The following OGDHL variants were observed in gnomAD, a reference collection of about 807,000 sequenced individuals.
OGDHL encodes 2-oxoglutarate dehydrogenase-like, mitochondrial.
In OGDHL, 79 loss-of-function variants were observed where a neutral mutation model predicts 109.6. The ratio of observed to expected loss-of-function variants is 0.72; its 90% CI spans 0.60 to 0.87. The LOEUF (loss-of-function observed/expected upper bound fraction) is 0.87. Ranked by LOEUF, OGDHL falls within the 40% of genes least tolerant of loss-of-function variation. The pLI is 0.00. For synonymous variants in OGDHL, 528 were observed against 537.2 expected (o/e 0.98, Z 0.24); for missense variants, 1,275 against 1,362.2 (o/e 0.94, Z 1.01).
intron 2 of OGDHL, 78 bp from the exon 3 acceptor site, chr10:49,757,024 G>T: frequency 1.4e-6 from 2 of 1,459,442 alleles, no homozygotes; most frequent in Non-Finnish European, 1.9e-6. Context: ...GGGGCCCCAA[G>T]GAGTGTCAGG....
intron 15 of OGDHL, among the ~76,000 whole-genome samples, chr10:49,742,537 ACACCACACACAACTCGCCCACACT>A (rs1841854832): frequency 1.2e-5 from 1 of 82,226 alleles, no homozygotes; most frequent in African/African-American, 4.8e-5. Flanking sequence ...CCACACACAC[ACACCACACACAACTCGCCCACACT>A]CACCACACAC....
intron 15 of OGDHL, 55 bp from the exon 16 acceptor site, chr10:49,740,892 C>T: frequency 6.2e-7 from 1 of 1,606,756 alleles, no homozygotes; most frequent in Non-Finnish European, 8.5e-7. Flanking sequence ...GGCACCTGTT[C>T]ACCTGGAGCA....
At chr10:49,742,571 C>A (rs1270759538) in intron 15 of OGDHL, among the ~76,000 whole-genome samples, 6 of 148,470 alleles carry the variant, frequency 4.0e-5, no homozygotes, top group Admixed American at 3.3e-4. Context: ...TCACCACACA[C>A]CCCCCACACA....
At chr10:49,737,061 C>T (rs1841252735) in intron 20 of OGDHL, among the ~76,000 whole-genome samples, 1 of 152,200 alleles carries the variant, frequency 6.6e-6, no homozygotes, top group Admixed American at 6.5e-5. Flanking sequence ...AGTGTCCTCA[C>T]ATCCCTGCAT....
At chr10:49,744,514 TG>T in intron 13 of OGDHL, 135 bp downstream of exon 13, 1 of 686,866 alleles carries the variant, frequency 1.5e-6, no homozygotes, top group Non-Finnish European at 2.5e-6. Context: ...CACGCAGCTT[TG>T]GGGACTCAGT....
At chr10:49,736,560 A>C (rs1216591154) in intron 20 of OGDHL, 40 bp from the exon 21 acceptor site, 1 of 1,600,890 alleles carries the variant, frequency 6.2e-7, no homozygotes, top group Admixed American at 1.7e-5. Flanking sequence ...GTTGGTACCC[A>C]GAGGGGCTGG....
rs773544214 is a variant in OGDHL at position 49,745,788 on chromosome 10, C to T, written c.1476+10G>A. On this transcript the variant is annotated intron_variant, in intron 11 of 22. Coordinates refer to ENST00000374103, the MANE Select transcript of OGDHL (RefSeq NM_018245.3). ...CCCACCCATGCCTTGGCCTCAGTCC[C>T]CAGACCCACCAGGTCCACGACAACA... The T allele has an allele frequency of 6.2e-7, 1 of 1,613,242 alleles. No homozygotes were observed. Among genetic ancestry groups the T allele is most frequent in the Non-Finnish European group, 8.5e-7 (1 of 1,179,332 alleles).
rs1482399316 is a variant in OGDHL, at chr10:49,744,076, G to A, written c.1779C>T (p.Ala593=). The change falls in exon 14 of 23, where the codon GCC becomes GCT. Residue 593 remains alanine, a synonymous_variant. Transcript: ENST00000374103. ...DGEPKSMTCP[A]TGIPEDMLTH... ...TGAGCATGTCCTCAGGGATCCCCGTGGCTGGGCATGTCATGCTCTTGGGCT... is the reference window on the plus strand; with the variant it reads ...TGAGCATGTCCTCAGGGATCCCCGTAGCTGGGCATGTCATGCTCTTGGGCT... 1.9e-6 allele frequency: 3 copies of A among 1,614,142 alleles called. No homozygotes were observed. Among genetic ancestry groups the A allele is most frequent in the Admixed American group, 3.3e-5 (2 of 60,020 alleles).
intron 15 of OGDHL, among the ~76,000 whole-genome samples, chr10:49,742,405 ACACACC>A (rs2132992716): frequency 5.0e-5 from 7 of 139,738 alleles, no homozygotes; most frequent in South Asian, 2.6e-4. Context: ...CACACACCAC[ACACACC>A]ATACACACAT....
At chr10:49,749,653 C>A in intron 8 of OGDHL, 73 bp downstream of exon 8, 1 of 1,327,862 alleles carries the variant, frequency 7.5e-7, no homozygotes, top group Non-Finnish European at 1.0e-6. Flanking sequence ...AAGCTCCCGG[C>A]TCAGCCCCTC....
chr10:49,748,884 C>T (rs180742775), intron 8 of OGDHL, among the ~76,000 whole-genome samples: 7 of 152,080 alleles, frequency 4.6e-5, no homozygotes, highest in African/African-American at 1.4e-4. Flanking sequence ...AGAGAGCCAC[C>T]GAAAGGGAAG....
chr10:49,741,996 CCA>C (rs1029929208), intron 15 of OGDHL, among the ~76,000 whole-genome samples: 34 of 122,262 alleles, frequency 2.8e-4, no homozygotes, highest in African/African-American at 8.8e-4. Flanking sequence ...CACACACACC[CCA>C]CAAATACCAC....
intron 14 of OGDHL, among the ~76,000 whole-genome samples, chr10:49,743,197 G>A (rs1343907085): frequency 6.6e-6 from 1 of 152,220 alleles, no homozygotes; most frequent in Non-Finnish European, 1.5e-5. Flanking sequence ...GTACCACTTG[G>A]CAAGCATTGG....
chr10:49,735,961 G>A, intron 22 of OGDHL, 62 bp downstream of exon 22: 4 of 1,501,886 alleles, frequency 2.7e-6, no homozygotes, highest in South Asian at 1.4e-5. Flanking sequence ...CTATGGGACA[G>A]ATGGAGCCAG....
intron 12 of OGDHL, 106 bp from the exon 13 acceptor site, chr10:49,744,858 G>C (rs2133020409): frequency 8.9e-6 from 8 of 895,264 alleles, no homozygotes; most frequent in Middle Eastern, 5.5e-4. Flanking sequence ...AGTTCTTCTA[G>C]AACTCTCTGT....
chr10:49,746,296 C>A (rs1056862950), intron 10 of OGDHL, among the ~76,000 whole-genome samples: 1 of 152,324 alleles, frequency 6.6e-6, no homozygotes, highest in African/African-American at 2.4e-5. Flanking sequence ...TGCTTACATA[C>A]CCACAGCCTG....
intron 14 of OGDHL, 49 bp downstream of exon 14, chr10:49,743,945 G>T: frequency 4.4e-6 from 7 of 1,595,524 alleles, no homozygotes; most frequent in Non-Finnish European, 5.1e-6. Flanking sequence ...GAGGCACAGT[G>T]TTGGGGTGGG....
chr10:49,738,608 G>T, intron 17 of OGDHL: 1 of 342,840 alleles, frequency 2.9e-6, no homozygotes, highest in Non-Finnish European at 5.5e-6. Context: ...AATCCCACAC[G>T]CCTTATCGCT....
intron 1 of OGDHL, among the ~76,000 whole-genome samples, chr10:49,759,960 C>A (rs541919781): frequency 6.6e-6 from 1 of 152,246 alleles, no homozygotes; most frequent in Non-Finnish European, 1.5e-5. Context: ...ACACCTGTTG[C>A]ACCCTTCTGC....
Sources: gnomAD v4.1 joint callset for allele counts (sites outside exome capture counted in the v4.1 genomes callset) on GRCh38, gnomAD v4.1.1 for gene constraint, MANE v1.5 for transcripts, NCBI Gene and HGNC (gene_info 2026-07-23, HGNC 2026-07-21) for gene names.